TRAPPC6A: variants seen among roughly 807,000 people sequenced by gnomAD.
The protein encoded by TRAPPC6A is TRAPP complex subunit 6A.
In TRAPPC6A, 25 loss-of-function variants were observed where a neutral mutation model predicts 20.8. The observed-to-expected ratio is 1.20, with a 90% CI of 0.88 to 1.68. The LOEUF (loss-of-function observed/expected upper bound fraction) is 1.68. Ranked by LOEUF, TRAPPC6A falls within the 40% of genes most tolerant of loss-of-function variation. TRAPPC6A has a pLI of 0.00. For missense variants in TRAPPC6A, 215 were observed against 211.6 expected, an observed-to-expected ratio of 1.02 and a Z score of -0.10; for synonymous variants, 96 against 93.3, an observed-to-expected ratio of 1.03 and a Z score of -0.16.
rs552326812 is a variant in TRAPPC6A at position 45,163,613 on chromosome 19, G to T, written c.448+303C>A. On this transcript the variant is annotated intron_variant, in intron 5 of 5. Transcript: ENST00000585934. The surrounding 1 kb of genome is among the most constrained non-coding windows in gnomAD (Gnocchi z 5.3). ...CTGACAGAGGACACCCAGTCAGGCA[G>T]GCTGCAAGTTCCCTGGAGCCTGCCG... Among the ~76,000 whole-genome samples, 1 of 152,270 alleles carries T rather than the reference G, an allele frequency of 6.6e-6. No homozygotes were observed. Among genetic ancestry groups the T allele is most frequent in the East Asian group, 1.9e-4 (1 of 5,154 alleles).
chr19:45,171,816 G>A (rs865980050), intron 1 of TRAPPC6A, among the ~76,000 whole-genome samples: 3 of 152,184 alleles, frequency 2.0e-5, no homozygotes, highest in Admixed American at 6.5e-5. Flanking sequence ...AGATTCACAC[G>A]TCCAGACTGA....
rs891953691 is a variant in TRAPPC6A at position 45,172,022 on chromosome 19, T to C, written c.84+6113A>G. ...TCTGAGGTAGAAAAGCCACGGCTGC[T>C]TCCTCCAAGGGCTTCTCCTCCTTAG... On this transcript the variant is annotated intron_variant, in intron 1 of 5. Transcript: ENST00000585934. This position sits in a 1 kb window ranked among gnomAD's most constrained non-coding sequence, Gnocchi z 4.2. Among the ~76,000 whole-genome samples, 1 of 151,968 alleles carries C rather than the reference T, an allele frequency of 6.6e-6. No individual in the cohort carries two copies. Among genetic ancestry groups the C allele is most frequent in the Non-Finnish European group, 1.5e-5 (1 of 67,958 alleles).
chr19:45,163,337 G>A lies in TRAPPC6A; in HGVS notation c.449-114C>T, dbSNP rs1969053370. On this transcript the variant is annotated intron_variant, in intron 5 of 5. Coordinates refer to ENST00000585934, the MANE Select transcript of TRAPPC6A (RefSeq NM_001270891.2). The surrounding 1 kb of genome is among the most constrained non-coding windows in gnomAD (Gnocchi z 5.3). ...GCACTGACACCCCAGTGGCTAGGTT[G>A]GGCTGTTTCCTCCCGCCCACGGGGC... 2.5e-6 allele frequency: 3 copies of A among 1,217,002 alleles called. No individual in the cohort carries two copies. The highest frequency in any genetic ancestry group is 3.5e-6 in the Non-Finnish European group (3 of 845,364). The allele number at this position is 1,217,002 out of a possible 1,614,324, so 75.4% of individuals were successfully genotyped here. A position where few individuals can be genotyped will look rare whatever the true frequency, so the allele number is the denominator to read the frequency against.
At position 45,163,239 on chromosome 19, in the gene TRAPPC6A, T is replaced by C. The variant is rs747688382; in HGVS notation, c.449-16A>G. ...TGGAACTTACCTGGAAGAGAAGGCC[T>C]GGCTTAGGCTTGAGGATGGGATGGG... is the stretch of plus-strand genomic sequence containing the variant. On this transcript the variant is annotated splice_polypyrimidine_tract_variant and intron_variant, in intron 5 of 5. Transcript: ENST00000585934. This position sits in a 1 kb window ranked among gnomAD's most constrained non-coding sequence, Gnocchi z 5.3. 1.8e-5 allele frequency: 29 copies of C among 1,613,648 alleles called. No individual in the cohort carries two copies. Among genetic ancestry groups the C allele is most frequent in the Non-Finnish European group, 2.5e-5 (29 of 1,179,806 alleles).
rs200262696 is a variant in TRAPPC6A at position 45,164,280 on chromosome 19, G to A, written c.271-33C>T. On this transcript the variant is annotated intron_variant, in intron 3 of 5. Coordinates refer to ENST00000585934, the MANE Select transcript of TRAPPC6A (RefSeq NM_001270891.2). ...AGAGGAGAGGCTGGTGGGTGGGGTC[G>A]GGGCCTGTACATTTGAAGCGCAGGG... The A allele has an allele frequency of 6.1e-4, 897 of 1,468,530 alleles. 3 individuals are homozygous for A. The highest frequency in any genetic ancestry group is 4.0e-4 in the Non-Finnish European group (432 of 1,071,442). The allele number at this position is 1,468,530 out of a possible 1,614,324, so 91.0% of individuals were successfully genotyped here. A position where few individuals can be genotyped will look rare whatever the true frequency, so the allele number is the denominator to read the frequency against.
At chr19:45,177,191 G>GCGCGCA (rs61484972) in intron 1 of TRAPPC6A, among the ~76,000 whole-genome samples, 1,711 of 147,992 alleles carry the variant, frequency 0.012, 35 homozygotes, top group African/African-American at 0.039. Flanking sequence ...GCGCGTGCGC[G>GCGCGCA]CACACACACA....
At chr19:45,174,556 C>G (rs748899874) in intron 1 of TRAPPC6A, among the ~76,000 whole-genome samples, 1 of 152,142 alleles carries the variant, frequency 6.6e-6, no homozygotes, top group African/African-American at 2.4e-5. Flanking sequence ...GGCGTGCTGG[C>G]TCACACCTGT....
intron 1 of TRAPPC6A, among the ~76,000 whole-genome samples, chr19:45,167,103 C>G (rs980256769): frequency 3.3e-5 from 5 of 152,194 alleles, no homozygotes; most frequent in African/African-American, 4.8e-5. Context: ...GGACACAGCT[C>G]TGTGAAGGTG....
At chr19:45,170,364 G>A (rs1476462432) in intron 1 of TRAPPC6A, among the ~76,000 whole-genome samples, 5 of 152,184 alleles carry the variant, frequency 3.3e-5, no homozygotes, top group South Asian at 2.1e-4. Flanking sequence ...GGTGTGCTGC[G>A]AGGGTGCACT....
chr19:45,176,309 A>AC (rs1555750763), intron 1 of TRAPPC6A, among the ~76,000 whole-genome samples: 17,792 of 150,640 alleles, frequency 0.12, 1,161 homozygotes, highest in Middle Eastern at 0.16. Flanking sequence ...AAAAAAAAAA[A>AC]CAAAATTAGC....
At chr19:45,178,053 C>T (rs377167332) in intron 1 of TRAPPC6A, 82 bp downstream of exon 1, 1 of 1,599,268 alleles carries the variant, frequency 6.3e-7, no homozygotes, top group African/African-American at 1.3e-5. Flanking sequence ...GGTTCGAACC[C>T]GGACGCCTGA....
chr19:45,164,942 C>G lies in TRAPPC6A; in HGVS notation c.181G>C (p.Glu61Gln). ...RLPRETLAFR[E>Q]ELDVLKFLCK... ...AAGAACTTGAGGACATCCAGCTCCTCCCTGAAGGCCAGCGTCTCCCGGGGC... is the reference window on the plus strand; with the variant it reads ...AAGAACTTGAGGACATCCAGCTCCTGCCTGAAGGCCAGCGTCTCCCGGGGC... Residue 61 changes from glutamate to glutamine, a missense_variant, in exon 3 of 6, where the codon GAG (glutamate) becomes CAG (glutamine). Coordinates refer to ENST00000585934, the MANE Select transcript of TRAPPC6A (RefSeq NM_001270891.2). The G allele has an allele frequency of 6.2e-7, 1 of 1,614,172 alleles. No individual in the cohort carries two copies. Among genetic ancestry groups the G allele is most frequent in the Non-Finnish European group, 8.5e-7 (1 of 1,180,002 alleles).
chr19:45,178,176 C>T lies in TRAPPC6A; in HGVS notation c.43G>A (p.Val15Met). The T allele has an allele frequency of 1.9e-6, 3 of 1,612,150 alleles. No homozygotes were observed. The highest frequency in any genetic ancestry group is 2.5e-6 in the Non-Finnish European group (3 of 1,178,552). ...GGGTCGTGAGCCCACAGCTCAGCCA[C>T]CATCTCCGTGTGAAGAAACTCAAAC... is the stretch of plus-strand genomic sequence containing the variant. ...VLFEFLHTEM[V>M]AELWAHDPDP... The change falls in exon 1 of 6, where the codon GTG becomes ATG. Residue 15 changes from valine (V) to methionine (M), a missense_variant. Coordinates refer to ENST00000585934, the MANE Select transcript of TRAPPC6A (RefSeq NM_001270891.2).
At position 45,176,901 on chromosome 19, in the gene TRAPPC6A, G is replaced by T. The variant is rs189373154; in HGVS notation, c.84+1234C>A. On this transcript the variant is annotated intron_variant, in intron 1 of 5. Transcript: ENST00000585934. Reference sequence around the variant, plus strand: ...AAAAAAAAATTGGCCGGGTGCAGTGGCTCACGCCTGTAATCCTAGCACTTT... The same window carrying T: ...AAAAAAAAATTGGCCGGGTGCAGTGTCTCACGCCTGTAATCCTAGCACTTT... Among the ~76,000 whole-genome samples, 429 of 152,140 alleles carry T rather than the reference G, an allele frequency of 2.8e-3. 2 individuals are homozygous for T. The highest frequency in any genetic ancestry group is 9.7e-3 in the African/African-American group (404 of 41,486).
rs528809527 is a variant in TRAPPC6A, at chr19:45,166,299, C to G, written c.85-1105G>C. 2.0e-5 allele frequency among the ~76,000 whole-genome samples: 3 copies of G among 151,914 alleles called. No homozygotes were observed. In the South Asian group the frequency reaches 6.2e-4, roughly 32 times the overall value. On this transcript the variant is annotated intron_variant, in intron 1 of 5. Transcript: ENST00000585934. Reference sequence around the variant, plus strand: ...CTGGCTCACTGCAACCTCCGCCTCCCGGGTTCAAACAATTCTCCTGCCTCA... The same window carrying G: ...CTGGCTCACTGCAACCTCCGCCTCCGGGGTTCAAACAATTCTCCTGCCTCA...
Position 45,163,805 on chromosome 19 carries a change from G to T in TRAPPC6A, c.448+111C>A. 2 of 944,210 alleles carry T rather than the reference G, an allele frequency of 2.1e-6. No individual in the cohort carries two copies. Among genetic ancestry groups the T allele is most frequent in the Non-Finnish European group, 3.2e-6 (2 of 619,004 alleles). The allele number at this position is 944,210 out of a possible 1,614,324, so 58.5% of individuals were successfully genotyped here. On this transcript the variant is annotated intron_variant, in intron 5 of 5. Coordinates refer to ENST00000585934, the MANE Select transcript of TRAPPC6A (RefSeq NM_001270891.2). This position sits in a 1 kb window ranked among gnomAD's most constrained non-coding sequence, Gnocchi z 5.3. Reference sequence around the variant, plus strand: ...GCACCAGCCGTGTGGCTGAGCAGGTGACTTAAAACTGGGCCTGCCTCCCAG... The same window carrying T: ...GCACCAGCCGTGTGGCTGAGCAGGTTACTTAAAACTGGGCCTGCCTCCCAG...
rs1969286504 is a variant in TRAPPC6A at position 45,172,491 on chromosome 19, G to A, written c.84+5644C>T. The stretch of plus-strand genomic sequence containing the variant: ...CACCTGCTGAGCCACTCTGTGCCAG[G>A]CCCAGGGGTGTGGTGGGGAACCCAG... On this transcript the variant is annotated intron_variant, in intron 1 of 5. Transcript: ENST00000585934. The surrounding 1 kb of genome is among the most constrained non-coding windows in gnomAD (Gnocchi z 4.2). 2.0e-5 allele frequency among the ~76,000 whole-genome samples: 3 copies of A among 151,650 alleles called. No homozygotes were observed. Among genetic ancestry groups the A allele is most frequent in the South Asian group, 4.1e-4 (2 of 4,836 alleles).
intron 1 of TRAPPC6A, among the ~76,000 whole-genome samples, chr19:45,168,498 G>A (rs563738417): frequency 1.8e-4 from 28 of 152,194 alleles, no homozygotes; most frequent in African/African-American, 6.5e-4. Context: ...ACGGAGACCC[G>A]GGAGCTCACC....
chr19:45,174,418 C>T (rs887094645), intron 1 of TRAPPC6A, among the ~76,000 whole-genome samples: 5 of 152,304 alleles, frequency 3.3e-5, no homozygotes, highest in South Asian at 2.1e-4. Context: ...GGACCCACTA[C>T]GAGCCAGGAC....
Sources: gnomAD v4.1 joint callset for allele counts (sites outside exome capture counted in the v4.1 genomes callset) on GRCh38, gnomAD v4.1.1 for gene constraint, Gnocchi (gnomAD v3.1) non-coding constraint, MANE v1.5 for transcripts, NCBI Gene and HGNC (gene_info 2026-07-23, HGNC 2026-07-21) for gene names.